Variants in CALD1 observed in about 807,000 individuals in gnomAD.
CALD1 encodes caldesmon 1, also known as caldesmon.
A neutral mutation model predicts 99.9 loss-of-function variants in CALD1; 33 were observed. The ratio of observed to expected loss-of-function variants is 0.33; its 90% CI spans 0.25 to 0.44. The LOEUF is 0.44. CALD1 is among the 20% of genes least tolerant of loss of function. CALD1 has a pLI of 1.00. For synonymous variants in CALD1, 310 were observed against 325.0 expected (o/e 0.95, Z 0.50); for missense variants, 861 against 962.1 (o/e 0.89, Z 1.39).
At chr7:134,746,348 C>T (rs546226522) in intron 1 of CALD1, among the ~76,000 whole-genome samples, 17 of 152,322 alleles carry the variant, frequency 1.1e-4, no homozygotes, top group Middle Eastern at 3.4e-3. Flanking sequence ...GACACCAAAT[C>T]TGCCTTGATC....
At chr7:134,943,114 G>C (rs1303597641) in intron 7 of CALD1, among the ~76,000 whole-genome samples, 1 of 152,200 alleles carries the variant, frequency 6.6e-6, no homozygotes, top group African/African-American at 2.4e-5. Flanking sequence ...GATTGAAGTA[G>C]AGAAGTATAG....
intron 2 of CALD1, among the ~76,000 whole-genome samples, chr7:134,867,423 T>A (rs1800851774): frequency 6.6e-6 from 1 of 152,178 alleles, no homozygotes; most frequent in African/African-American, 2.4e-5. Context: ...CTACCAATAT[T>A]TCAAGTCTTC....
At chr7:134,861,103 G>A (rs1800545191) in intron 2 of CALD1, among the ~76,000 whole-genome samples, 1 of 152,192 alleles carries the variant, frequency 6.6e-6, no homozygotes, top group African/African-American at 2.4e-5. Flanking sequence ...GATATGTCAT[G>A]TGTGATACCT....
chr7:134,756,170 T>C (rs896752656), intron 1 of CALD1, among the ~76,000 whole-genome samples: 1 of 147,286 alleles, frequency 6.8e-6, no homozygotes, highest in Non-Finnish European at 1.5e-5. Flanking sequence ...GGATTACAGG[T>C]GAGAGGCAGA....
At chr7:134,891,411 A>T in intron 3 of CALD1, 1 of 1,283,752 alleles carries the variant, frequency 7.8e-7, no homozygotes, top group Non-Finnish European at 9.9e-7. Context: ...ACGGGTTGGG[A>T]GGAGTAGATT....
chr7:134,729,642 AGCCCTCTT>A, the CALD1 span, among the ~76,000 whole-genome samples: 1 of 152,230 alleles, frequency 6.6e-6, no homozygotes, highest in African/African-American at 2.4e-5. Flanking sequence ...GGCAGGCCAC[AGCCCTCTT>A]GTACAGATGG....
intron 2 of CALD1, among the ~76,000 whole-genome samples, chr7:134,848,247 A>C (rs954965611): frequency 6.6e-6 from 1 of 152,126 alleles, no homozygotes; most frequent in Non-Finnish European, 1.5e-5. Context: ...TTTTAGCCCA[A>C]ACTTATAACT....
chr7:134,795,910 G>C (rs985483249), intron 1 of CALD1, among the ~76,000 whole-genome samples: 5 of 152,206 alleles, frequency 3.3e-5, no homozygotes, highest in African/African-American at 1.2e-4. Flanking sequence ...AGCCAGCCTG[G>C]AGCCACTGAC....
rs552182420 is a variant in CALD1, at chr7:134,962,535, G to C, written c.2295+1907G>C. ...TTTAGTGAGATCCTTCTTCCCATTA[G>C]ATTTTGTAGACTAGTGTGGCTTCCT... is the stretch of plus-strand genomic sequence containing the variant. On this transcript the variant is annotated intron_variant, in intron 13 of 14. Coordinates refer to ENST00000361675, the MANE Select transcript of CALD1 (RefSeq NM_033138.4). 3 of 258,888 alleles carry C rather than the reference G, an allele frequency of 1.2e-5. No homozygotes were observed. In the South Asian group the frequency reaches 1.4e-4, roughly 12 times the overall value. 16.0% of individuals were successfully genotyped at this position (258,888 alleles called of 1,614,324 possible).
chr7:134,872,599 T>G (rs1054897108), intron 3 of CALD1, among the ~76,000 whole-genome samples: 1 of 152,092 alleles, frequency 6.6e-6, no homozygotes, highest in Non-Finnish European at 1.5e-5. Flanking sequence ...GAATCAGTGG[T>G]CACCAGTAGG....
At chr7:134,733,547 G>A in the CALD1 span, among the ~76,000 whole-genome samples, 16 of 152,110 alleles carry the variant, frequency 1.1e-4, no homozygotes, top group African/African-American at 3.1e-4. Context: ...GGTGGCTCAA[G>A]CCTGTAATCC....
chr7:134,844,999 C>T lies in CALD1; in HGVS notation c.-42+1028C>T, dbSNP rs1342362322. 2.0e-5 allele frequency among the ~76,000 whole-genome samples: 3 copies of T among 152,310 alleles called. 1 individual carries two copies. The highest frequency in any genetic ancestry group is 2.0e-4 in the Admixed American group (3 of 15,300). On this transcript the variant is annotated intron_variant, in intron 2 of 14. Transcript: ENST00000361675. ...TCAACGTATGAATTTGGGGGAAATACCATTCAGCCCATAATGCTGCCACCA... is the reference window on the plus strand; with the variant it reads ...TCAACGTATGAATTTGGGGGAAATATCATTCAGCCCATAATGCTGCCACCA...
intron 9 of CALD1, among the ~76,000 whole-genome samples, chr7:134,954,252 T>C (rs1046834274): frequency 1.3e-5 from 2 of 152,254 alleles, no homozygotes; most frequent in Admixed American, 6.5e-5. Flanking sequence ...CAATAAAGAA[T>C]AGATTTTAAG....
At chr7:134,837,058 T>G (rs922800338) in intron 1 of CALD1, among the ~76,000 whole-genome samples, 1 of 151,870 alleles carries the variant, frequency 6.6e-6, no homozygotes, top group Admixed American at 6.6e-5. Flanking sequence ...AATTTTACCA[T>G]ATGGGCTTCT....
At chr7:134,804,362 C>G (rs1798056541) in intron 1 of CALD1, among the ~76,000 whole-genome samples, 1 of 152,204 alleles carries the variant, frequency 6.6e-6, no homozygotes. Context: ...GGGTATCTGA[C>G]AGGAATGTCA....
At chr7:134,749,648 G>A (rs1796668242) in intron 1 of CALD1, among the ~76,000 whole-genome samples, 1 of 152,176 alleles carries the variant, frequency 6.6e-6, no homozygotes, top group South Asian at 2.1e-4. Flanking sequence ...GATGTGGAAT[G>A]ATCCCGCCTC....
In CALD1 at chr7:134,947,525, C is replaced by G. The variant is rs1806986211; in HGVS notation, c.1550C>G (p.Ala517Gly). The change falls in exon 8 of 15, where the codon GCC (alanine) becomes GGC (glycine). Residue 517 changes from alanine (A) to glycine (G), a missense_variant. Transcript: ENST00000361675. ...AACCACAGCCGCCCTGGAGGGAGGG[C>G]CAGCGTGGACACCAAGGAGGCTGAG... Reference protein sequence around the residue: ...ENTFSRPGGRASVDTKEAEGA... With the variant: ...ENTFSRPGGRGSVDTKEAEGA... The G allele has an allele frequency of 1.3e-6, 2 of 1,568,416 alleles. No homozygotes were observed. Among genetic ancestry groups the G allele is most frequent in the Non-Finnish European group, 1.7e-6 (2 of 1,156,412 alleles).
At chr7:134,726,990 C>A in the CALD1 span, among the ~76,000 whole-genome samples, 1 of 152,136 alleles carries the variant, frequency 6.6e-6, no homozygotes, top group Non-Finnish European at 1.5e-5. Context: ...CAGAAATGTT[C>A]CTCCTCCTCA....
intron 1 of CALD1, among the ~76,000 whole-genome samples, chr7:134,773,745 C>T (rs1033347123): frequency 4.0e-5 from 6 of 151,180 alleles, no homozygotes; most frequent in African/African-American, 1.2e-4. Flanking sequence ...TTGTAGTTTT[C>T]TCCAAGTTTT....
Sources: allele counts gnomAD v4.1 joint callset (sites outside exome capture counted in the v4.1 genomes callset), GRCh38; gene constraint gnomAD v4.1.1; transcripts MANE v1.5; gene names NCBI Gene and HGNC (gene_info 2026-07-23, HGNC 2026-07-21).